Variants in TAB2 observed in about 807,000 individuals in gnomAD.
TAB2 encodes TGF-beta-activated kinase 1 and MAP3K7-binding protein 2.
TAB2 carries 3 observed loss-of-function variants against 65.0 expected under a neutral mutation model. The ratio of observed to expected loss-of-function variants is 0.05; its 90% CI spans 0.02 to 0.12. The LOEUF (loss-of-function observed/expected upper bound fraction) is 0.12. Among genes scored for constraint, TAB2 ranks in the 10% least tolerant of loss-of-function variants. TAB2 has a pLI of 1.00. For synonymous variants in TAB2, 298 were observed against 285.1 expected, an observed-to-expected ratio of 1.05 and a Z score of -0.46; for missense variants, 623 against 840.3, an observed-to-expected ratio of 0.74 and a Z score of 3.20.
chr6:149,333,450 T>C (rs373030968), intron 1 of TAB2, among the ~76,000 whole-genome samples: 1 of 152,198 alleles, frequency 6.6e-6, no homozygotes, highest in African/African-American at 2.4e-5. Flanking sequence ...CATAATAGCA[T>C]GTCTCCTAGG....
chr6:149,308,893 T>A lies in TAB2; in HGVS notation c.-120-69125T>A, dbSNP rs643491. ...TTCTCCCTTAGGATTTTTAATAACC[T>A]TTTGCATATTAAGAATATTAACTCT... On this transcript the variant is annotated intron_variant, in intron 1 of 1. Transcript: ENST00000606202. 2.3e-4 allele frequency among the ~76,000 whole-genome samples: 35 copies of A among 152,056 alleles called. No homozygotes were observed. In the South Asian group the frequency reaches 6.4e-3, roughly 28 times the overall value.
intron 1 of TAB2, among the ~76,000 whole-genome samples, chr6:149,340,067 G>A (rs534705867): frequency 6.6e-6 from 1 of 152,148 alleles, no homozygotes; most frequent in South Asian, 2.1e-4. Context: ...TAAGGGTGTT[G>A]GACTAGATAA....
chr6:149,265,385 C>T (rs1454534458), intron 1 of TAB2, among the ~76,000 whole-genome samples: 1 of 152,154 alleles, frequency 6.6e-6, no homozygotes, highest in Non-Finnish European at 1.5e-5. Context: ...ATCTGAACAT[C>T]ACTGTTAATG....
intron 1 of TAB2, among the ~76,000 whole-genome samples, chr6:149,366,164 T>G (rs1781033850): frequency 6.6e-6 from 1 of 152,152 alleles, no homozygotes; most frequent in African/African-American, 2.4e-5. Flanking sequence ...TGGATTTTAT[T>G]TAGAACATTA....
At chr6:149,372,360 T>TA (rs1050477756) in intron 2 of TAB2, 2 of 152,152 alleles carry the variant, frequency 1.3e-5, no homozygotes, top group African/African-American at 2.4e-5. Context: ...ACAAAATTAA[T>TA]AAAAGATGTT....
At position 149,380,300 on chromosome 6, in the gene TAB2, G is replaced by A. The variant is rs191619042; in HGVS notation, c.1603+782G>A. On this transcript the variant is annotated intron_variant, in intron 3 of 6. Coordinates refer to ENST00000637181, the MANE Select transcript of TAB2 (RefSeq NM_001292034.3). ...ACATTTTAGTCTTATTTTATATTAA[G>A]TCTATTACTGCGTAAGTATTAGAAT... is the stretch of plus-strand genomic sequence containing the variant. Among the ~76,000 whole-genome samples the A allele has an allele frequency of 5.6e-4, 86 of 152,262 alleles. 2 individuals are homozygous for A. The highest frequency in any genetic ancestry group is 5.0e-3 in the Admixed American group (77 of 15,296).
At chr6:149,332,332 T>TAAACA (rs1562419631) in intron 1 of TAB2, among the ~76,000 whole-genome samples, 1 of 152,296 alleles carries the variant, frequency 6.6e-6, no homozygotes, top group East Asian at 1.9e-4. Flanking sequence ...GGTATTTGTT[T>TAAACA]AAAACTATAC....
chr6:149,259,893 T>C (rs1375873350), intron 1 of TAB2, among the ~76,000 whole-genome samples: 1 of 152,196 alleles, frequency 6.6e-6, no homozygotes, highest in Non-Finnish European at 1.5e-5. Flanking sequence ...TGACAGGGAT[T>C]CTGTGAAAGA....
chr6:149,332,256 A>G (rs1779806930), intron 1 of TAB2, among the ~76,000 whole-genome samples: 2 of 152,172 alleles, frequency 1.3e-5, no homozygotes, highest in Non-Finnish European at 2.9e-5. Flanking sequence ...GAATTCAAGC[A>G]AGAGATTCAG....
intron 1 of TAB2, among the ~76,000 whole-genome samples, chr6:149,361,782 C>T (rs1384511047): frequency 6.6e-6 from 1 of 152,186 alleles, no homozygotes; most frequent in Admixed American, 6.5e-5. Context: ...GCTCCAACAT[C>T]TGAGTATAGG....
intron 1 of TAB2, among the ~76,000 whole-genome samples, chr6:149,335,976 ACAC>A (rs970236413): frequency 7.2e-5 from 11 of 152,088 alleles, no homozygotes; most frequent in Admixed American, 6.6e-4. Flanking sequence ...TGAAATAGTA[ACAC>A]CTCCTCCCCT....
intron 2 of TAB2, chr6:149,372,283 CAAAT>C (rs1288210799): frequency 2.0e-5 from 3 of 151,956 alleles, no homozygotes; most frequent in African/African-American, 7.2e-5. Context: ...CAGAGCAAGA[CAAAT>C]AAATATTTAC....
chr6:149,297,660 G>A (rs190041360), intron 1 of TAB2, among the ~76,000 whole-genome samples: 1 of 152,142 alleles, frequency 6.6e-6, no homozygotes, highest in African/African-American at 2.4e-5. Flanking sequence ...GAGTAGCTAG[G>A]ACTATAGGGG....
chr6:149,402,705 T>C (rs529733871), intron 6 of TAB2, among the ~76,000 whole-genome samples: 2 of 152,260 alleles, frequency 1.3e-5, no homozygotes, highest in East Asian at 3.9e-4. Context: ...ATATTACTGA[T>C]GAACATAGAC....
At chr6:149,223,486 G>T (rs1777199673) in intron 1 of TAB2, among the ~76,000 whole-genome samples, 1 of 152,158 alleles carries the variant, frequency 6.6e-6, no homozygotes, top group Admixed American at 6.5e-5. Flanking sequence ...TTGCTATTTT[G>T]TAGAGTATGA....
At chr6:149,308,641 G>A (rs899682750) in intron 1 of TAB2, among the ~76,000 whole-genome samples, 3 of 152,016 alleles carry the variant, frequency 2.0e-5, no homozygotes, top group Non-Finnish European at 4.4e-5. Context: ...TGATTCTCCT[G>A]CCTCAGCCTC....
intron 1 of TAB2, chr6:149,247,164 T>C (rs554227199): frequency 4.6e-5 from 7 of 151,912 alleles, no homozygotes; most frequent in African/African-American, 1.2e-4. Flanking sequence ...AAGTGTGAGC[T>C]CCCTGAGGGT....
At chr6:149,361,146 C>T (rs1352841551) in intron 1 of TAB2, among the ~76,000 whole-genome samples, 1 of 152,176 alleles carries the variant, frequency 6.6e-6, no homozygotes, top group East Asian at 1.9e-4. Flanking sequence ...CTAGGCAGTG[C>T]CCCCATGGAG....
At chr6:149,313,050 T>C (rs1283607359), upstream of TAB2, among the ~76,000 whole-genome samples, 1 of 152,212 alleles carries the variant, frequency 6.6e-6, no homozygotes, top group African/African-American at 2.4e-5. Context: ...CGTGGCTTCT[T>C]ATTTCCTGCC....
Sources: allele counts gnomAD v4.1 joint callset (sites outside exome capture counted in the v4.1 genomes callset), GRCh38; gene constraint gnomAD v4.1.1; transcripts MANE v1.5; gene names NCBI Gene and HGNC (gene_info 2026-07-23, HGNC 2026-07-21).